Variants in MAGI1 observed in about 807,000 individuals in gnomAD.
MAGI1 encodes the protein membrane associated guanylate kinase, WW and PDZ domain containing 1, also known as membrane-associated guanylate kinase, WW and PDZ domain-containing protein 1.
MAGI1 carries 58 observed loss-of-function variants against 139.9 expected under a neutral mutation model. The ratio of observed to expected loss-of-function variants is 0.41; its 90% confidence interval spans 0.34 to 0.52. The LOEUF (loss-of-function observed/expected upper bound fraction) is 0.52. Among genes scored for constraint, MAGI1 ranks in the 20% least tolerant of loss-of-function variants. MAGI1 has a pLI of 0.12. For missense variants in MAGI1, 1,874 were observed against 1,901.6 expected (o/e 0.99, Z 0.27); for synonymous variants, 812 against 737.9 (o/e 1.10, Z -1.63).
intron 18 of MAGI1, 55 bp downstream of exon 18, chr3:65,375,684 AAGACAG>A (rs1311677934): frequency 1.5e-6 from 2 of 1,349,736 alleles, no homozygotes; most frequent in East Asian, 2.3e-5. Context: ...AGAAAAGGAA[AAGACAG>A]AGACAGAGAG....
At chr3:65,447,990 T>C in intron 7 of MAGI1, 32 bp downstream of exon 7, 1 of 1,613,140 alleles carries the variant, frequency 6.2e-7, no homozygotes, top group Non-Finnish European at 8.5e-7. Context: ...CATGCACGTG[T>C]CATGCAGCAG....
chr3:65,628,941 G>T (rs1332218623), intron 1 of MAGI1, among the ~76,000 whole-genome samples: 1 of 151,990 alleles, frequency 6.6e-6, no homozygotes, highest in African/African-American at 2.4e-5. Flanking sequence ...AGGTTATCTA[G>T]TTATTCTTGA....
At chr3:65,911,243 A>G (rs2061655518) in intron 1 of MAGI1, among the ~76,000 whole-genome samples, 1 of 151,960 alleles carries the variant, frequency 6.6e-6, no homozygotes, top group African/African-American at 2.4e-5. Flanking sequence ...AAAATAACTT[A>G]TCTCCATAGG....
chr3:65,611,684 G>A (rs970334103), intron 2 of MAGI1, among the ~76,000 whole-genome samples: 5 of 133,416 alleles, frequency 3.7e-5, no homozygotes, highest in African/African-American at 1.1e-4. Context: ...TATATATAGT[G>A]TCATACATGT....
rs1559507961 is a variant in MAGI1, at chr3:66,027,270, AAATAAATAAATAAAT to A, written c.313+10711_313+10725del. Among the ~76,000 whole-genome samples the A allele has an allele frequency of 5.7e-4, 78 of 137,448 alleles. 1 individual carries two copies. The highest frequency in any genetic ancestry group is 2.0e-3 in the African/African-American group (72 of 36,248). 90.2% of individuals were successfully genotyped at this position (137,448 alleles called of 152,430 possible). A position where few individuals can be genotyped will look rare whatever the true frequency, so the allele number is the denominator to read the frequency against. ...GTGACAATGAGACTCCGTCTCAAAT[AAATAAATAAATAAAT>A]AAATAAATAAATAAATAAATAAATA... On this transcript the variant is annotated intron_variant, in intron 1 of 22. Coordinates refer to ENST00000402939, the MANE Select transcript of MAGI1 (RefSeq NM_001033057.2).
intron 18 of MAGI1, among the ~76,000 whole-genome samples, chr3:65,367,766 G>A (rs1340585922): frequency 6.6e-6 from 1 of 152,084 alleles, no homozygotes; most frequent in African/African-American, 2.4e-5. Flanking sequence ...TTTAGTTTTT[G>A]GTTTACGTAG....
intron 2 of MAGI1, among the ~76,000 whole-genome samples, chr3:65,507,113 A>C (rs2077323804): frequency 6.6e-6 from 1 of 152,228 alleles, no homozygotes; most frequent in African/African-American, 2.4e-5. Flanking sequence ...TACAATACTA[A>C]GCCTACACCA....
chr3:65,541,682 T>C (rs1220404639), intron 2 of MAGI1, among the ~76,000 whole-genome samples: 1 of 152,126 alleles, frequency 6.6e-6, no homozygotes, highest in Non-Finnish European at 1.5e-5. Context: ...CATGATTATC[T>C]CAACAGCTGC....
chr3:65,530,838 TACACACAC>T (rs1350712440), intron 2 of MAGI1, among the ~76,000 whole-genome samples: 2 of 94,648 alleles, frequency 2.1e-5, no homozygotes, highest in African/African-American at 1.0e-4. Context: ...TATATATATA[TACACACAC>T]ACACACACAT....
rs116463792 is a variant in MAGI1 at position 65,843,556 on chromosome 3, G to A, written c.313+194440C>T. Among the ~76,000 whole-genome samples, 380 of 152,192 alleles carry A rather than the reference G, an allele frequency of 2.5e-3. 2 individuals carry two copies. The highest frequency in any genetic ancestry group is 8.9e-3 in the African/African-American group (368 of 41,544). On this transcript the variant is annotated intron_variant, in intron 1 of 22. Transcript: ENST00000402939. ...ACTAGATAACTAATGTACCTTCCCAGCTACAGACTTCCACAGCCAAGATTA... is the reference window on the plus strand; with the variant it reads ...ACTAGATAACTAATGTACCTTCCCAACTACAGACTTCCACAGCCAAGATTA...
In MAGI1 at chr3:65,454,455, G is replaced by A. The variant is rs540121723; in HGVS notation, c.960-1115C>T. On this transcript the variant is annotated intron_variant, in intron 5 of 22. Coordinates refer to ENST00000402939, the MANE Select transcript of MAGI1 (RefSeq NM_001033057.2). ...TAGATGACAAGTTAGTGGGTGCAGC[G>A]CACCAGCATGGCACATGTATACATA... is the stretch of plus-strand genomic sequence containing the variant. Among the ~76,000 whole-genome samples, 4 of 150,286 alleles carry A rather than the reference G, an allele frequency of 2.7e-5. No individual in the cohort carries two copies. In the South Asian group the frequency reaches 6.3e-4, roughly 24 times the overall value.
In MAGI1 at chr3:66,007,151, A is replaced by G. The variant is rs189745019; in HGVS notation, c.313+30845T>C. Among the ~76,000 whole-genome samples, 461 of 152,130 alleles carry G rather than the reference A, an allele frequency of 3.0e-3. 1 individual carries two copies. The highest frequency in any genetic ancestry group is 3.4e-3 in the Non-Finnish European group (231 of 68,010). ...CCACCACACCTGGCCTGAAGATCAC[A>G]TATGTCACGTAAAGTCTATTAAGCT... On this transcript the variant is annotated intron_variant, in intron 1 of 22. Transcript: ENST00000402939.
intron 1 of MAGI1, among the ~76,000 whole-genome samples, chr3:65,690,566 T>C (rs897751630): frequency 3.9e-5 from 6 of 152,022 alleles, no homozygotes; most frequent in African/African-American, 1.5e-4. Context: ...AACCTCCACC[T>C]CCTGGGTTGA....
intron 1 of MAGI1, among the ~76,000 whole-genome samples, chr3:65,653,495 T>C (rs994540611): frequency 2.6e-5 from 4 of 152,186 alleles, no homozygotes; most frequent in Admixed American, 6.6e-5. Flanking sequence ...TAAGGTGTCA[T>C]GGATGTGGGG....
intron 1 of MAGI1, among the ~76,000 whole-genome samples, chr3:65,906,747 G>A (rs566442247): frequency 9.2e-5 from 14 of 151,980 alleles, no homozygotes; most frequent in African/African-American, 3.4e-4. Flanking sequence ...TTAAGTGGGC[G>A]TGGTGGTGGG....
At chr3:65,916,865 A>G (rs528536522) in intron 1 of MAGI1, among the ~76,000 whole-genome samples, 33 of 152,154 alleles carry the variant, frequency 2.2e-4, no homozygotes, top group Admixed American at 1.5e-3. Context: ...TGAGGATAGG[A>G]GAAGACAGTT....
At chr3:66,020,933 C>CGACA (rs1243080697) in intron 1 of MAGI1, among the ~76,000 whole-genome samples, 9 of 152,216 alleles carry the variant, frequency 5.9e-5, no homozygotes, top group African/African-American at 2.2e-4. Context: ...AGAAAACTGT[C>CGACA]ATCGGTAAAT....
intron 2 of MAGI1, among the ~76,000 whole-genome samples, chr3:65,555,140 C>T (rs1227128767): frequency 2.6e-5 from 4 of 152,204 alleles, no homozygotes; most frequent in African/African-American, 7.2e-5. Flanking sequence ...TAAATTATTT[C>T]GAAATTAAAA....
chr3:65,381,306 GC>G (rs1943030862), intron 16 of MAGI1, among the ~76,000 whole-genome samples: 1 of 152,098 alleles, frequency 6.6e-6, no homozygotes, highest in African/African-American at 2.4e-5. Context: ...TTATATTTGA[GC>G]TGAGCCTGAA....
Sources: allele counts gnomAD v4.1 joint callset (sites outside exome capture counted in the v4.1 genomes callset), GRCh38; gene constraint gnomAD v4.1.1; transcripts MANE v1.5; gene names NCBI Gene and HGNC (gene_info 2026-07-23, HGNC 2026-07-21).